KANK1: variants seen among roughly 807,000 people sequenced by gnomAD.
KANK1 encodes the protein KN motif and ankyrin repeat domain-containing protein 1.
In KANK1, 109 loss-of-function variants were observed where a neutral mutation model predicts 106.2. The ratio of observed to expected loss-of-function variants is 1.03; its 90% CI spans 0.88 to 1.20. The LOEUF (loss-of-function observed/expected upper bound fraction) is 1.20. KANK1 is among the 50% of genes most tolerant of loss of function. KANK1 has a pLI of 0.00. For synonymous variants in KANK1, 873 were observed against 652.2 expected, an observed-to-expected ratio of 1.34 and a Z score of -5.16; for missense variants, 2,399 against 1,710.7, an observed-to-expected ratio of 1.40 and a Z score of -7.10.
At chr9:644,464 C>A (rs1372056584) in intron 1 of KANK1, among the ~76,000 whole-genome samples, 1 of 151,040 alleles carries the variant, frequency 6.6e-6, no homozygotes, top group South Asian at 2.1e-4. Context: ...ATGGTGGCTT[C>A]TGGGGAGGCC....
chr9:679,131 C>G (rs1817000090), intron 2 of KANK1, among the ~76,000 whole-genome samples: 1 of 152,112 alleles, frequency 6.6e-6, no homozygotes, highest in Admixed American at 6.5e-5. Flanking sequence ...CAAAAGAAAG[C>G]TCTCCGATTT....
chr9:684,120 A>G, intron 2 of KANK1: 1 of 974,394 alleles, frequency 1.0e-6, no homozygotes, highest in Middle Eastern at 5.3e-4. Flanking sequence ...TGCTTGTTTC[A>G]TAAACTCTTA....
At chr9:552,237 A>T (rs1021292198) in intron 1 of KANK1, among the ~76,000 whole-genome samples, 2 of 152,130 alleles carry the variant, frequency 1.3e-5, no homozygotes, top group Non-Finnish European at 2.9e-5. Context: ...GTAGAAAGGG[A>T]GCTCTGGCCT....
At chr9:705,723 C>T (rs1366256459) in intron 2 of KANK1, among the ~76,000 whole-genome samples, 4 of 151,394 alleles carry the variant, frequency 2.6e-5, no homozygotes, top group African/African-American at 9.7e-5. Context: ...CTCAGCCTCC[C>T]AAGTAGCTGG....
At position 745,333 on chromosome 9, in the gene KANK1, C is replaced by T; in HGVS notation, c.*98C>T. ...TGAATGTATACGTATTGTGCCTGAG[C>T]TCACCAGCAAACAGAAGCATCAAGC... On this transcript the variant is annotated 3_prime_UTR_variant, in exon 12 of 12. Transcript: ENST00000382297. 6.8e-7 allele frequency: 1 copy of T among 1,476,244 alleles called. No individual in the cohort carries two copies. The highest frequency in any genetic ancestry group is 9.4e-7 in the Non-Finnish European group (1 of 1,060,390). The allele number at this position is 1,476,244 out of a possible 1,614,324, so 91.4% of individuals were successfully genotyped here. A position where few individuals can be genotyped will look rare whatever the true frequency, so the allele number is the denominator to read the frequency against.
At chr9:624,186 C>T (rs1833829388) in intron 1 of KANK1, among the ~76,000 whole-genome samples, 1 of 152,052 alleles carries the variant, frequency 6.6e-6, no homozygotes, top group African/African-American at 2.4e-5. Flanking sequence ...ACGTTGAATC[C>T]ACAAGCCAAG....
upstream of KANK1, among the ~76,000 whole-genome samples, chr9:502,681 C>G (rs371963434): frequency 1.3e-5 from 2 of 152,036 alleles, no homozygotes; most frequent in African/African-American, 2.4e-5. Flanking sequence ...CGTCACCACG[C>G]CCAGCGAATT....
At chr9:646,240 C>G (rs1045899134) in intron 1 of KANK1, among the ~76,000 whole-genome samples, 6 of 150,708 alleles carry the variant, frequency 4.0e-5, no homozygotes, top group Non-Finnish European at 8.8e-5. Context: ...TGCCTGTAAT[C>G]TCAGCATGTG....
chr9:580,326 G>GAGC (rs1271392275), intron 1 of KANK1, among the ~76,000 whole-genome samples: 1 of 152,150 alleles, frequency 6.6e-6, no homozygotes, highest in African/African-American at 2.4e-5. Context: ...CCCGAAGAGT[G>GAGC]AGCAGCAGCA....
At chr9:706,730 C>A (rs1824299946) in intron 2 of KANK1, 8 of 960,802 alleles carry the variant, frequency 8.3e-6, no homozygotes, top group Middle Eastern at 5.3e-4. Flanking sequence ...AAGCCCAGGG[C>A]TGAGAAGAGT....
chr9:578,257 T>C (rs1821119543), intron 1 of KANK1, among the ~76,000 whole-genome samples: 1 of 152,210 alleles, frequency 6.6e-6, no homozygotes, highest in African/African-American at 2.4e-5. Context: ...ACATTCTTCT[T>C]GCTTTATATA....
In KANK1 at chr9:643,785, C is replaced by T. The variant is rs975698705; in HGVS notation, c.-83-33105C>T. On this transcript the variant is annotated intron_variant, in intron 1 of 11. Coordinates refer to ENST00000382297, the MANE Select transcript of KANK1 (RefSeq NM_015158.5). ...TGGGATGATCTTGGCTCACTGCAGG[C>T]TCCGCCTCCTGGGTTCAAACAATTC... Among the ~76,000 whole-genome samples the T allele has an allele frequency of 2.2e-4, 33 of 150,356 alleles. 3 individuals are homozygous for T. Among genetic ancestry groups the T allele is most frequent in the African/African-American group, 8.0e-4 (32 of 39,832 alleles).
intron 1 of KANK1, among the ~76,000 whole-genome samples, chr9:598,436 C>T (rs1410007908): frequency 6.6e-6 from 1 of 151,204 alleles, no homozygotes; most frequent in Admixed American, 6.6e-5. Context: ...ATTGAATCTG[C>T]AGATTATTTG....
chr9:573,506 G>A (rs1048482794), intron 1 of KANK1, among the ~76,000 whole-genome samples: 3 of 151,976 alleles, frequency 2.0e-5, no homozygotes, highest in Admixed American at 6.6e-5. Flanking sequence ...TCTTGACCTC[G>A]TGATCCGCCC....
intron 1 of KANK1, among the ~76,000 whole-genome samples, chr9:577,898 T>C (rs1220735441): frequency 2.0e-5 from 3 of 152,188 alleles, no homozygotes; most frequent in Non-Finnish European, 2.9e-5. Context: ...ACTTTGGGAA[T>C]AGGAGCACCC....
chr9:738,529 C>T, intron 8 of KANK1, 25 bp downstream of exon 8: 2 of 1,572,890 alleles, frequency 1.3e-6, no homozygotes, highest in Non-Finnish European at 1.7e-6. Context: ...CTTCCACCCT[C>T]TCTTCTCTAA....
In KANK1 at chr9:744,242, T is replaced by TG. The variant is rs201137331; in HGVS notation, c.3898-246dup. Among the ~76,000 whole-genome samples, 2,438 of 152,272 alleles carry TG rather than the reference T, an allele frequency of 0.016. 60 individuals carry two copies. Among genetic ancestry groups the TG allele is most frequent in the African/African-American group, 0.054 (2,259 of 41,532 alleles). ...CCCATCTTCTGCTTCCCCCTCCTGGTGGGCAGAATGGTTGAGTAAGATAAT... is the reference window on the plus strand; with the variant it reads ...CCCATCTTCTGCTTCCCCCTCCTGGTGGGGCAGAATGGTTGAGTAAGATAAT... On this transcript the variant is annotated intron_variant, in intron 10 of 11. Coordinates refer to ENST00000382297, the MANE Select transcript of KANK1 (RefSeq NM_015158.5).
intron 1 of KANK1, among the ~76,000 whole-genome samples, chr9:584,379 T>C (rs2135388929): frequency 6.6e-6 from 1 of 152,326 alleles, no homozygotes; most frequent in South Asian, 2.1e-4. Context: ...ATCCTCATGA[T>C]TTTTATTTTT....
intron 1 of KANK1, among the ~76,000 whole-genome samples, chr9:504,971 C>T (rs1305263977): frequency 6.6e-6 from 1 of 150,530 alleles, no homozygotes; most frequent in East Asian, 2.0e-4. Context: ...GGGGGGGGGT[C>T]CGAGAGGTGG....
Sources: gnomAD v4.1 joint callset for allele counts (sites outside exome capture counted in the v4.1 genomes callset) on GRCh38, gnomAD v4.1.1 for gene constraint, MANE v1.5 for transcripts, NCBI Gene and HGNC (gene_info 2026-07-23, HGNC 2026-07-21) for gene names.